ATM: variants seen among roughly 807,000 people sequenced by gnomAD.
ATM encodes the protein serine-protein kinase ATM.
A neutral mutation model predicts 387.0 loss-of-function variants in ATM; 308 were observed. The observed-to-expected ratio is 0.80, with a 90% CI of 0.73 to 0.87. The LOEUF is 0.87. Among genes scored for constraint, ATM ranks in the 40% least tolerant of loss-of-function variants. ATM has a pLI of 0.00. For synonymous variants in ATM, 1,156 were observed against 1,187.3 expected (o/e 0.97, Z 0.54); for missense variants, 3,312 against 3,560.9 (o/e 0.93, Z 1.78).
chr11:108,360,213 C>T (rs1261121103), intron 61 of ATM, among the ~76,000 whole-genome samples: 1 of 150,390 alleles, frequency 6.6e-6, no homozygotes, highest in Non-Finnish European at 1.5e-5. Flanking sequence ...GGATAAATTC[C>T]TCGACACATA....
chr11:108,365,286 C>T (rs751722133), intron 62 of ATM, 39 bp from the exon 63 acceptor site: 2 of 1,614,168 alleles, frequency 1.2e-6, no homozygotes, highest in East Asian at 2.2e-5. Context: ...GGCCTTTAAA[C>T]TGTTCACCTC....
At chr11:108,276,552 A>C (rs547545238) in intron 22 of ATM, among the ~76,000 whole-genome samples, 5 of 152,120 alleles carry the variant, frequency 3.3e-5, no homozygotes, top group Non-Finnish European at 7.4e-5. Flanking sequence ...TTCTGTGTGG[A>C]CATCCTTTTT....
intron 17 of ATM, among the ~76,000 whole-genome samples, chr11:108,267,762 C>T: frequency 6.6e-6 from 1 of 152,142 alleles, no homozygotes; most frequent in Non-Finnish European, 1.5e-5. Context: ...GAGGCTGAAG[C>T]AGGAGAACGG....
At position 108,365,324 on chromosome 11, in the gene ATM, G is replaced by C. The variant is rs730881386; in HGVS notation, c.8988-1G>C. On this transcript the variant is annotated splice_acceptor_variant, in intron 62 of 62. Coordinates refer to ENST00000675843, the MANE Select transcript of ATM (RefSeq NM_000051.4). LOFTEE classifies it high-confidence loss of function. ...TGAAACCTTTGTGTTTTTGTCCTTA[G>C]TGATATTGACCAGAGTTTCAACAAA... The C allele has an allele frequency of 1.9e-6, 3 of 1,614,048 alleles. No individual in the cohort carries two copies. The highest frequency in any genetic ancestry group is 8.5e-7 in the Non-Finnish European group (1 of 1,180,022).
intron 54 of ATM, 69 bp from the exon 55 acceptor site, chr11:108,334,900 T>C: frequency 1.3e-6 from 2 of 1,518,912 alleles, no homozygotes; most frequent in Non-Finnish European, 1.8e-6. Flanking sequence ...TTGCCATTTA[T>C]AATGTATTTT....
At chr11:108,335,393 T>G in intron 55 of ATM, 1 of 849,440 alleles carries the variant, frequency 1.2e-6, no homozygotes, top group South Asian at 1.7e-5. Context: ...AAAAAATACT[T>G]TGGTGTCTGT....
At chr11:108,247,768 G>A (rs985542110) in intron 8 of ATM, among the ~76,000 whole-genome samples, 1 of 151,664 alleles carries the variant, frequency 6.6e-6, no homozygotes, top group African/African-American at 2.4e-5. Context: ...GCTAATTTTT[G>A]TTTTTTTAGT....
Position 108,327,373 on chromosome 11 carries a change from A to G in ATM, c.6976-272A>G, listed in dbSNP as rs368002466. On this transcript the variant is annotated intron_variant, in intron 47 of 62. Transcript: ENST00000675843. ...GTGAGAATTAAATGAGTTAATATAT[A>G]TAAAGCCTTTACAAAGTGTCTGACA... 626 of 395,288 alleles carry G rather than the reference A, an allele frequency of 1.6e-3. 4 individuals are homozygous for G. The highest frequency in any genetic ancestry group is 0.012 in the African/African-American group (586 of 48,618). The allele number at this position is 395,288 out of a possible 1,614,324, so 24.5% of individuals were successfully genotyped here.
intron 61 of ATM, among the ~76,000 whole-genome samples, chr11:108,360,386 A>G (rs2090581926): frequency 6.7e-6 from 1 of 149,948 alleles, no homozygotes; most frequent in South Asian, 2.2e-4. Context: ...AACTGGTACC[A>G]TTCCTTCTGA....
intron 16 of ATM, among the ~76,000 whole-genome samples, chr11:108,266,254 A>G (rs1224610834): frequency 6.6e-6 from 1 of 151,566 alleles, no homozygotes; most frequent in Non-Finnish European, 1.5e-5. Context: ...ACAATGATAG[A>G]CTGGATTAAG....
intron 57 of ATM, among the ~76,000 whole-genome samples, chr11:108,344,726 G>A (rs750204677): frequency 2.6e-5 from 4 of 152,126 alleles, no homozygotes; most frequent in East Asian, 1.9e-4. Context: ...GTTGGGGGGC[G>A]GGTGTGGTAG....
chr11:108,301,252 G>GT (rs1346878159), intron 34 of ATM, among the ~76,000 whole-genome samples: 1 of 152,124 alleles, frequency 6.6e-6, no homozygotes, highest in African/African-American at 2.4e-5. Context: ...GCAGGTACAA[G>GT]TTTTTTGTAT....
intron 61 of ATM, among the ~76,000 whole-genome samples, chr11:108,363,608 G>C (rs1371737139): frequency 1.3e-5 from 2 of 152,114 alleles, no homozygotes. Flanking sequence ...GAACACCTCA[G>C]AATGTACAAG....
intron 23 of ATM, among the ~76,000 whole-genome samples, chr11:108,280,591 C>A (rs1305388894): frequency 6.6e-6 from 1 of 151,934 alleles, no homozygotes. Context: ...GTATCCATCC[C>A]CCAAACAAAT....
At chr11:108,228,633 A>T (rs78326890) in intron 3 of ATM, among the ~76,000 whole-genome samples, 1 of 152,236 alleles carries the variant, frequency 6.6e-6, no homozygotes, top group African/African-American at 2.4e-5. Flanking sequence ...TTGAAAGCAT[A>T]TAAAATGAAA....
chr11:108,250,510 T>A (rs1324957637), intron 9 of ATM, among the ~76,000 whole-genome samples, 191 bp from the exon 10 acceptor site: 1 of 152,212 alleles, frequency 6.6e-6, no homozygotes, highest in Non-Finnish European at 1.5e-5. Context: ...TAGCCAAACG[T>A]TGACAATTTT....
chr11:108,262,418 C>A (rs1320432448), intron 16 of ATM, among the ~76,000 whole-genome samples: 4 of 152,168 alleles, frequency 2.6e-5, no homozygotes, highest in Non-Finnish European at 4.4e-5. Flanking sequence ...AAATACTTTA[C>A]AGACAAGCAA....
At chr11:108,265,228 A>G (rs1203318458) in intron 16 of ATM, among the ~76,000 whole-genome samples, 1 of 151,986 alleles carries the variant, frequency 6.6e-6, no homozygotes, top group Admixed American at 6.5e-5. Flanking sequence ...CCTGACTTCA[A>G]ACTATACTAC....
chr11:108,226,247 G>A (rs950309251), intron 1 of ATM: 1 of 152,026 alleles, frequency 6.6e-6, no homozygotes, highest in Non-Finnish European at 1.5e-5. Flanking sequence ...CTGTCACTCA[G>A]GTAGTGAGCA....
Sources: gnomAD v4.1 joint callset for allele counts (sites outside exome capture counted in the v4.1 genomes callset) on GRCh38, gnomAD v4.1.1 for gene constraint, MANE v1.5 for transcripts, NCBI Gene and HGNC (gene_info 2026-07-23, HGNC 2026-07-21) for gene names.